The following NRG3 variants were observed in gnomAD, a reference collection of about 807,000 sequenced individuals.
The protein encoded by NRG3 is neuregulin 3.
NRG3 carries 31 observed loss-of-function variants against 66.9 expected under a neutral mutation model. The ratio of observed to expected loss-of-function variants is 0.46; its 90% CI spans 0.35 to 0.63. NRG3 has a LOEUF of 0.63. Ranked by LOEUF, NRG3 falls within the 20% of genes least tolerant of loss-of-function variation. The probability of loss-of-function intolerance (pLI) is 0.00; values close to 1 mark genes in which losing one functional copy is unlikely to be tolerated. For missense variants in NRG3, 910 were observed against 878.9 expected, an observed-to-expected ratio of 1.04 and a Z score of -0.45; for synonymous variants, 393 against 359.4, an observed-to-expected ratio of 1.09 and a Z score of -1.06.
intron 4 of NRG3, among the ~76,000 whole-genome samples, chr10:82,937,704 G>A (rs549292343): frequency 3.3e-5 from 5 of 152,288 alleles, no homozygotes; most frequent in East Asian, 1.9e-4. Flanking sequence ...ATAGTAACTC[G>A]GCATTCATTT....
rs1352131011 is a variant in NRG3, at chr10:82,326,786, G to A, written c.824-31953G>A. On this transcript the variant is annotated intron_variant, in intron 1 of 8. Coordinates refer to ENST00000372141, the MANE Select transcript of NRG3 (RefSeq NM_001010848.4). ...CCAGAAATCTAAAGTCTTAGTCCAT[G>A]ATACTACATTTTGGCCAGGACTGGA... Among the ~76,000 whole-genome samples, 3 of 152,078 alleles carry A rather than the reference G, an allele frequency of 2.0e-5. No homozygotes were observed. The East Asian group carries it at 5.8e-4, about 29-fold the overall frequency.
At chr10:82,176,859 A>G (rs993135061) in intron 1 of NRG3, among the ~76,000 whole-genome samples, 4 of 147,158 alleles carry the variant, frequency 2.7e-5, no homozygotes, top group African/African-American at 1.0e-4. Context: ...TGACAACACA[A>G]AGCCTCGATT....
At chr10:82,951,753 T>C (rs1269864984) in intron 5 of NRG3, among the ~76,000 whole-genome samples, 182 bp downstream of exon 5, 2 of 152,198 alleles carry the variant, frequency 1.3e-5, no homozygotes, top group East Asian at 3.9e-4. Context: ...TGTACATGCA[T>C]GTATGTGATG....
rs186978154 is a variant in NRG3 at position 82,376,114 on chromosome 10, G to C, written c.953+17246G>C. Among the ~76,000 whole-genome samples, 285 of 152,274 alleles carry C rather than the reference G, an allele frequency of 1.9e-3. 5 individuals are homozygous for C. Among genetic ancestry groups the C allele is most frequent in the African/African-American group, 6.4e-3 (264 of 41,556 alleles). On this transcript the variant is annotated intron_variant, in intron 2 of 8. Coordinates refer to ENST00000372141, the MANE Select transcript of NRG3 (RefSeq NM_001010848.4). The stretch of plus-strand genomic sequence containing the variant: ...GTTTCAGTAGGTCTGGGGTGGGGAT[G>C]AAATTCTGCATTTCTAACAAGGGTC...
At chr10:81,959,448 A>G (rs530412714) in intron 1 of NRG3, among the ~76,000 whole-genome samples, 1 of 152,248 alleles carries the variant, frequency 6.6e-6, no homozygotes, top group African/African-American at 2.4e-5. Context: ...GTGCTCATAT[A>G]TGAGATTCTC....
intron 3 of NRG3, among the ~76,000 whole-genome samples, chr10:82,756,440 A>C (rs1427898450): frequency 6.6e-6 from 1 of 152,136 alleles, no homozygotes; most frequent in Admixed American, 6.6e-5. Context: ...TATTCAAATT[A>C]AACTTTCCAG....
intron 2 of NRG3, among the ~76,000 whole-genome samples, chr10:82,453,404 A>G (rs115706414): frequency 0.011 from 1,669 of 152,240 alleles, 32 homozygotes; most frequent in African/African-American, 0.038. Flanking sequence ...TACAGATAAG[A>G]AGGAAGAGTC....
chr10:82,904,571 C>T (rs1844540544), intron 4 of NRG3, among the ~76,000 whole-genome samples: 1 of 152,014 alleles, frequency 6.6e-6, no homozygotes, highest in Non-Finnish European at 1.5e-5. Flanking sequence ...CAGTATTCCT[C>T]AATGTTTTTT....
At chr10:82,360,407 T>C (rs1428515856) in intron 2 of NRG3, among the ~76,000 whole-genome samples, 1 of 152,202 alleles carries the variant, frequency 6.6e-6, no homozygotes, top group Non-Finnish European at 1.5e-5. Context: ...CAATCAATTA[T>C]GTTTGAATTC....
At chr10:82,957,119 G>C (rs969450558) in intron 5 of NRG3, among the ~76,000 whole-genome samples, 2 of 151,958 alleles carry the variant, frequency 1.3e-5, no homozygotes, top group African/African-American at 4.9e-5. Flanking sequence ...TGCAGCTTCT[G>C]CTCACAAGAC....
chr10:82,526,216 A>G (rs925971819), intron 2 of NRG3, among the ~76,000 whole-genome samples: 1 of 151,924 alleles, frequency 6.6e-6, no homozygotes, highest in African/African-American at 2.4e-5. Flanking sequence ...TTCAGAAATT[A>G]TGTCACAAAA....
rs35864856 is a variant in NRG3, at chr10:82,542,894, C to CT, written c.953+184040dup. On this transcript the variant is annotated intron_variant, in intron 2 of 8. Transcript: ENST00000372141. ...TGTGATGCATGATCTTCATTTAGAT[C>CT]TTTTTTTTTTTTTTGAGAACGAGTT... Among the ~76,000 whole-genome samples the CT allele has an allele frequency of 2.4e-3, 349 of 144,800 alleles. 1 individual carries two copies. The highest frequency in any genetic ancestry group is 3.8e-3 in the African/African-American group (149 of 38,918). The allele number at this position is 144,800 out of a possible 152,430, so 95.0% of individuals were successfully genotyped here.
intron 1 of NRG3, among the ~76,000 whole-genome samples, chr10:82,333,729 C>T (rs1359113278): frequency 6.6e-6 from 1 of 152,056 alleles, no homozygotes; most frequent in Non-Finnish European, 1.5e-5. Context: ...AGGTAGGTAC[C>T]CATTGCATTG....
intron 2 of NRG3, among the ~76,000 whole-genome samples, chr10:82,445,386 G>T (rs2090663457): frequency 6.6e-6 from 1 of 152,134 alleles, no homozygotes; most frequent in African/African-American, 2.4e-5. Flanking sequence ...GTTTTTTCCT[G>T]TGCTGGACAA....
intron 3 of NRG3, among the ~76,000 whole-genome samples, chr10:82,777,726 A>G (rs978493061): frequency 5.3e-5 from 8 of 152,146 alleles, no homozygotes; most frequent in African/African-American, 1.9e-4. Context: ...GGACAGAGAC[A>G]TTTTGAGCAC....
intron 2 of NRG3, among the ~76,000 whole-genome samples, chr10:82,435,196 T>C (rs768477859): frequency 3.3e-5 from 5 of 152,174 alleles, no homozygotes; most frequent in Non-Finnish European, 7.3e-5. Context: ...TCCAGGAATT[T>C]ATCCATTTCT....
chr10:82,062,508 A>G (rs1336538524), intron 1 of NRG3, among the ~76,000 whole-genome samples: 1 of 152,002 alleles, frequency 6.6e-6, no homozygotes, highest in Non-Finnish European at 1.5e-5. Context: ...CAGGAGGCTG[A>G]GGCAGGAGAA....
chr10:82,884,041 G>T lies in NRG3; in HGVS notation c.1054+18604G>T, dbSNP rs182144177. On this transcript the variant is annotated intron_variant, in intron 4 of 8. Transcript: ENST00000372141. Reference sequence around the variant, plus strand: ...AATGTATTTATATTAAGTTTTCTTGGTATGGAAATATTGCTTATATTTATC... The same window carrying T: ...AATGTATTTATATTAAGTTTTCTTGTTATGGAAATATTGCTTATATTTATC... Among the ~76,000 whole-genome samples, 23 of 151,662 alleles carry T rather than the reference G, an allele frequency of 1.5e-4. No individual in the cohort carries two copies. The East Asian group carries it at 4.5e-3, about 29-fold the overall frequency.
chr10:82,346,928 T>G (rs1278188532), intron 1 of NRG3, among the ~76,000 whole-genome samples: 1 of 152,112 alleles, frequency 6.6e-6, no homozygotes, highest in African/African-American at 2.4e-5. Flanking sequence ...TTATCATTTT[T>G]TATTGCGTCT....
Sources: allele counts gnomAD v4.1 joint callset (sites outside exome capture counted in the v4.1 genomes callset), GRCh38; gene constraint gnomAD v4.1.1; transcripts MANE v1.5; gene names NCBI Gene and HGNC (gene_info 2026-07-23, HGNC 2026-07-21).